Variants in GALNT14 observed in about 807,000 individuals in gnomAD.
The protein encoded by GALNT14 is UDP-GalNAc:polypeptide N-acetylgalactosaminyltransferase 14.
GALNT14 carries 60 observed loss-of-function variants against 77.5 expected under a neutral mutation model. The observed-to-expected ratio is 0.77, with a 90% CI of 0.63 to 0.96. The LOEUF is 0.96. GALNT14 is among the 40% of genes least tolerant of loss of function. The probability of loss-of-function intolerance (pLI) is 0.00; values close to 1 mark genes in which losing one functional copy is unlikely to be tolerated. For missense variants in GALNT14, 710 were observed against 731.0 expected (o/e 0.97, Z 0.33); for synonymous variants, 280 against 281.7 (o/e 0.99, Z 0.06).
At chr2:30,975,427 G>T (rs1668575399) in intron 2 of GALNT14, among the ~76,000 whole-genome samples, 1 of 152,210 alleles carries the variant, frequency 6.6e-6, no homozygotes, top group South Asian at 2.1e-4. Flanking sequence ...TCTGAATGGA[G>T]ATATGCTGTA....
chr2:31,073,503 T>C (rs1675557798), intron 1 of GALNT14, among the ~76,000 whole-genome samples: 1 of 151,930 alleles, frequency 6.6e-6, no homozygotes, highest in African/African-American at 2.4e-5. Flanking sequence ...GGAACAGCAT[T>C]TGGGGAACGA....
intron 1 of GALNT14, among the ~76,000 whole-genome samples, chr2:31,112,273 A>T (rs181746338): frequency 6.6e-6 from 1 of 152,134 alleles, no homozygotes; most frequent in African/African-American, 2.4e-5. Context: ...CTGGACAAAA[A>T]CCTGTGCTTG....
chr2:31,001,298 A>T (rs2148421241), intron 1 of GALNT14, among the ~76,000 whole-genome samples: 1 of 152,318 alleles, frequency 6.6e-6, no homozygotes, highest in African/African-American at 2.4e-5. Context: ...TCTTTCTAGA[A>T]GGAAAATCTT....
intron 1 of GALNT14, among the ~76,000 whole-genome samples, chr2:31,061,293 T>C (rs187461351): frequency 1.9e-4 from 29 of 152,158 alleles, no homozygotes; most frequent in Admixed American, 1.2e-3. Context: ...ACCAGAAATA[T>C]GGCCTCTTCC....
chr2:30,913,188 C>T (rs1298023438), intron 13 of GALNT14, among the ~76,000 whole-genome samples: 3 of 152,140 alleles, frequency 2.0e-5, no homozygotes, highest in African/African-American at 7.2e-5. Flanking sequence ...AAAGTACTGG[C>T]ATAAGCGTTT....
At chr2:30,996,334 T>C (rs1244695256) in intron 1 of GALNT14, among the ~76,000 whole-genome samples, 1 of 152,196 alleles carries the variant, frequency 6.6e-6, no homozygotes, top group Non-Finnish European at 1.5e-5. Flanking sequence ...TGTAGTTGAG[T>C]CTGCCTGAAG....
intron 1 of GALNT14, chr2:31,125,226 C>T: frequency 6.4e-7 from 1 of 1,550,572 alleles, no homozygotes; most frequent in Non-Finnish European, 8.7e-7. Context: ...GGGCTCATCC[C>T]AGCCACCTTG....
At chr2:31,085,025 T>TA (rs70962301) in intron 1 of GALNT14, among the ~76,000 whole-genome samples, 1,704 of 145,868 alleles carry the variant, frequency 0.012, 13 homozygotes, top group South Asian at 0.03. Flanking sequence ...AGACTCCATC[T>TA]AAAAAAAAAA....
At chr2:31,063,132 C>T (rs1477336022) in intron 1 of GALNT14, among the ~76,000 whole-genome samples, 1 of 152,128 alleles carries the variant, frequency 6.6e-6, no homozygotes, top group Admixed American at 6.5e-5. Flanking sequence ...GAAGTCTTTG[C>T]CCATGCCTAT....
At chr2:30,985,873 A>G (rs1669268375) in intron 2 of GALNT14, among the ~76,000 whole-genome samples, 1 of 152,198 alleles carries the variant, frequency 6.6e-6, no homozygotes, top group South Asian at 2.1e-4. Context: ...AGCTAGTGGA[A>G]TAGCCTTGAC....
chr2:30,920,201 T>C (rs1359821467), intron 13 of GALNT14, among the ~76,000 whole-genome samples: 2 of 152,196 alleles, frequency 1.3e-5, no homozygotes, highest in Non-Finnish European at 2.9e-5. Context: ...AAATCCATCT[T>C]CACCGTTATT....
intron 1 of GALNT14, among the ~76,000 whole-genome samples, chr2:31,086,446 T>C (rs1350916737): frequency 6.6e-6 from 1 of 152,060 alleles, no homozygotes; most frequent in Non-Finnish European, 1.5e-5. Context: ...GCATTTTTAC[T>C]GCAGAAGAAT....
intron 1 of GALNT14, among the ~76,000 whole-genome samples, chr2:31,123,553 G>T (rs1302694700): frequency 6.6e-6 from 1 of 152,154 alleles, no homozygotes; most frequent in East Asian, 1.9e-4. Context: ...GTGGATTGCG[G>T]CAAATGCTTC....
chr2:30,908,093 C>A (rs1229754888), downstream of GALNT14, among the ~76,000 whole-genome samples: 1 of 130,748 alleles, frequency 7.6e-6, no homozygotes, highest in Admixed American at 8.0e-5. Context: ...GACAAACCCA[C>A]AGCCAATATC....
At chr2:30,947,513 T>C (rs1176379472) in intron 6 of GALNT14, among the ~76,000 whole-genome samples, 1 of 152,206 alleles carries the variant, frequency 6.6e-6, no homozygotes, top group Non-Finnish European at 1.5e-5. Context: ...GCCCTGTACC[T>C]GATGTGCAGT....
At chr2:31,016,574 C>T (rs1671375039) in intron 1 of GALNT14, among the ~76,000 whole-genome samples, 1 of 152,132 alleles carries the variant, frequency 6.6e-6, no homozygotes, top group Admixed American at 6.5e-5. Context: ...ACACCCATCT[C>T]TCAGCTGCTA....
At chr2:31,010,263 C>T (rs1168745454) in intron 1 of GALNT14, among the ~76,000 whole-genome samples, 1 of 152,150 alleles carries the variant, frequency 6.6e-6, no homozygotes, top group Non-Finnish European at 1.5e-5. Context: ...GCTGGGATTA[C>T]AGGCGTGAAC....
intron 1 of GALNT14, among the ~76,000 whole-genome samples, chr2:31,033,758 A>G (rs2148484616): frequency 6.6e-6 from 1 of 152,194 alleles, no homozygotes; most frequent in Admixed American, 6.5e-5. Context: ...TCCCCGAGAT[A>G]TGCAGGTGAT....
At chr2:30,986,072 G>GA (rs1282975001) in intron 2 of GALNT14, among the ~76,000 whole-genome samples, 4 of 152,194 alleles carry the variant, frequency 2.6e-5, no homozygotes, top group African/African-American at 9.6e-5. Context: ...TTCCCAGGAG[G>GA]AAAAGGAGCC....
Sources: gnomAD v4.1 joint callset for allele counts (sites outside exome capture counted in the v4.1 genomes callset) on GRCh38, gnomAD v4.1.1 for gene constraint, MANE v1.5 for transcripts, NCBI Gene and HGNC (gene_info 2026-07-23, HGNC 2026-07-21) for gene names.